KIF23: variants seen among roughly 807,000 people sequenced by gnomAD.
KIF23 encodes kinesin-like protein KIF23.
Under a neutral mutation model 137.5 loss-of-function variants are expected in KIF23, and 30 were observed. The ratio of observed to expected loss-of-function variants is 0.22; its 90% CI spans 0.16 to 0.30. The LOEUF (loss-of-function observed/expected upper bound fraction) is 0.30, where lower values mean the gene tolerates loss of function less well. Among genes scored for constraint, KIF23 ranks in the 10% least tolerant of loss-of-function variants. The pLI, the probability that KIF23 is intolerant of heterozygous loss-of-function variation, is 1.00. For missense variants in KIF23, 920 were observed against 1,194.3 expected (o/e 0.77, Z 3.38); for synonymous variants, 367 against 391.1 (o/e 0.94, Z 0.73).
At chr15:69,426,737 T>G (rs2057203108) in intron 10 of KIF23, 1 of 324,916 alleles carries the variant, frequency 3.1e-6, no homozygotes, top group Admixed American at 4.6e-5. Context: ...AAAGTTAAAT[T>G]AGAGAGGTTT....
At chr15:69,417,026 A>G (rs1446657131) in intron 2 of KIF23, among the ~76,000 whole-genome samples, 2 of 152,190 alleles carry the variant, frequency 1.3e-5, no homozygotes, top group African/African-American at 4.8e-5. Context: ...ATTGACATCC[A>G]TTTCCAAGAA....
intron 11 of KIF23, among the ~76,000 whole-genome samples, chr15:69,430,743 C>A (rs1446875625): frequency 2.0e-5 from 3 of 152,130 alleles, no homozygotes; most frequent in African/African-American, 2.4e-5. Context: ...TCTGTCATAT[C>A]AAGAAGTTTG....
At chr15:69,442,153 G>C (rs1462662242) in intron 19 of KIF23, among the ~76,000 whole-genome samples, 1 of 151,922 alleles carries the variant, frequency 6.6e-6, no homozygotes, top group East Asian at 1.9e-4. Context: ...GTCTCACCCT[G>C]TCCCCCTACT....
chr15:69,435,418 A>G lies in KIF23; in HGVS notation c.1115-65A>G, dbSNP rs16953315. ...TTTGAAGTTGAGATTTTATAGGCAA[A>G]CAGAACACACTTTAGCTACTATACT... On this transcript the variant is annotated intron_variant, in intron 11 of 23. Transcript: ENST00000679126. 2,621 of 1,284,214 alleles carry G rather than the reference A, an allele frequency of 2.0e-3. 41 individuals are homozygous for G. In the African/African-American group the frequency reaches 0.034, roughly 17 times the overall value. 79.6% of individuals were successfully genotyped at this position (1,284,214 alleles called of 1,614,324 possible). A position where few individuals can be genotyped will look rare whatever the true frequency, so the allele number is the denominator to read the frequency against.
At chr15:69,420,134 T>A (rs2057017119) in intron 3 of KIF23, among the ~76,000 whole-genome samples, 1 of 152,008 alleles carries the variant, frequency 6.6e-6, no homozygotes, top group Admixed American at 6.6e-5. Flanking sequence ...CGTGGAGGCA[T>A]GCGCCTGTAA....
chr15:69,442,737 C>G (rs1461307304), intron 19 of KIF23, among the ~76,000 whole-genome samples: 2 of 152,138 alleles, frequency 1.3e-5, no homozygotes, highest in African/African-American at 2.4e-5. Context: ...GCCTTGCAAA[C>G]CGTAATGAGA....
chr15:69,439,138 C>G (rs368709116), intron 16 of KIF23, among the ~76,000 whole-genome samples: 6 of 151,946 alleles, frequency 3.9e-5, no homozygotes, highest in Non-Finnish European at 7.4e-5. Flanking sequence ...TTTACTAATC[C>G]TCATCCCATG....
Position 69,447,937 on chromosome 15 carries a change from A to G in KIF23, c.*130A>G. ...GTTGAAAATCACGGACCTCAGCTAC[A>G]TCATACACTGACCCAGAGCAAAGCT... On this transcript the variant is annotated 3_prime_UTR_variant, in exon 24 of 24. Transcript: ENST00000679126. The G allele has an allele frequency of 1.2e-6, 1 of 802,606 alleles. No homozygotes were observed. Among genetic ancestry groups the G allele is most frequent in the Non-Finnish European group, 2.0e-6 (1 of 496,642 alleles). 49.7% of individuals were successfully genotyped at this position (802,606 alleles called of 1,614,324 possible).
rs747635090 is a variant in KIF23, at chr15:69,440,942, C to T, written c.2284C>T (p.Arg762Cys). Residue 762 changes from arginine to cysteine, a missense_variant, in exon 19 of 24, where the codon CGT (arginine) becomes TGT (cysteine). Physicochemically the swap from Arg to Cys is radical, Grantham distance 180. Coordinates refer to ENST00000679126, the MANE Select transcript of KIF23 (RefSeq NM_001367805.3). ...TCTCAAAGTCACATCTATTGCAAGG[C>T]GTAGGCAGCAGGAGCCAGGACAAAG... is the stretch of plus-strand genomic sequence containing the variant. The part of the protein sequence containing the change: ...TPLKVTSIAR[R>C]RQQEPGQSKT... 1 of 1,614,154 alleles carries T rather than the reference C, an allele frequency of 6.2e-7. No individual in the cohort carries two copies. Among genetic ancestry groups the T allele is most frequent in the Non-Finnish European group, 8.5e-7 (1 of 1,180,034 alleles).
At chr15:69,417,353 T>C (rs1393914718) in intron 2 of KIF23, 30 bp from the exon 3 acceptor site, 2 of 1,517,392 alleles carry the variant, frequency 1.3e-6, no homozygotes, top group Non-Finnish European at 8.8e-7. Context: ...GGTCGAACTT[T>C]CTTCTTAAAG....
intron 6 of KIF23, chr15:69,422,790 C>T: frequency 3.6e-6 from 1 of 280,756 alleles, no homozygotes; most frequent in Non-Finnish European, 6.6e-6. Context: ...TTAGTTTCCC[C>T]TTGGGATCAG....
At chr15:69,424,924 G>C (rs2057151811) in intron 7 of KIF23, among the ~76,000 whole-genome samples, 1 of 152,128 alleles carries the variant, frequency 6.6e-6, no homozygotes, top group South Asian at 2.1e-4. Context: ...CCAACTTTTT[G>C]TTTGGTTTGT....
At chr15:69,445,089 A>G in intron 20 of KIF23, 48 bp downstream of exon 20, 2 of 1,530,572 alleles carry the variant, frequency 1.3e-6, no homozygotes, top group Non-Finnish European at 1.8e-6. Flanking sequence ...TAAAAATTCA[A>G]CAAAAGTCCA....
intron 4 of KIF23, 118 bp downstream of exon 4, chr15:69,421,870 AG>A: frequency 7.7e-7 from 1 of 1,299,154 alleles, no homozygotes; most frequent in Non-Finnish European, 1.1e-6. Flanking sequence ...TTAATTTGTT[AG>A]GGTGGTGCTA....
At chr15:69,436,848 G>C (rs1228583983) in intron 15 of KIF23, 126 bp downstream of exon 15, 30 of 518,570 alleles carry the variant, frequency 5.8e-5, no homozygotes, top group Non-Finnish European at 9.4e-6. Context: ...TCCGCCTCCT[G>C]GGTTCAAGCG....
Position 69,422,488 on chromosome 15 carries a change from C to T in KIF23, c.563+53C>T, listed in dbSNP as rs549689213. ...TGGCCTAGGGGCACAGGATTCTTTC[C>T]TGTGGTTTGCCCAGACATGAGGAAT... On this transcript the variant is annotated intron_variant, in intron 6 of 23. Coordinates refer to ENST00000679126, the MANE Select transcript of KIF23 (RefSeq NM_001367805.3). 3.9e-6 allele frequency: 4 copies of T among 1,028,696 alleles called. No homozygotes were observed. The East Asian group carries it at 9.5e-5, about 24-fold the overall frequency. The allele number at this position is 1,028,696 out of a possible 1,614,324, so 63.7% of individuals were successfully genotyped here.
At chr15:69,424,365 C>T (rs2057136718) in intron 7 of KIF23, among the ~76,000 whole-genome samples, 1 of 152,176 alleles carries the variant, frequency 6.6e-6, no homozygotes, top group African/African-American at 2.4e-5. Flanking sequence ...AAGGAAGACT[C>T]TTTGGCTCTG....
intron 16 of KIF23, among the ~76,000 whole-genome samples, chr15:69,439,369 C>T (rs919099145): frequency 1.3e-5 from 2 of 151,444 alleles, no homozygotes; most frequent in Non-Finnish European, 2.9e-5. Context: ...GTGCCAGCAT[C>T]GGGCCTTGGA....
At chr15:69,434,755 AG>A in intron 11 of KIF23, 1 of 1,196,060 alleles carries the variant, frequency 8.4e-7, no homozygotes, top group Admixed American at 1.8e-5. Context: ...CTGACTGGGC[AG>A]GAGGCCATAA....
Sources: allele counts gnomAD v4.1 joint callset (sites outside exome capture counted in the v4.1 genomes callset), GRCh38; gene constraint gnomAD v4.1.1; transcripts MANE v1.5; gene names NCBI Gene and HGNC (gene_info 2026-07-23, HGNC 2026-07-21).